The following RBMS3 variants were observed in gnomAD, a reference collection of about 807,000 sequenced individuals.
The protein encoded by RBMS3 is RNA-binding motif, single-stranded-interacting protein 3.
In RBMS3, 27 loss-of-function variants were observed where a neutral mutation model predicts 66.8. That is an observed-to-expected ratio of 0.40 (90% CI 0.30 to 0.56). The LOEUF is 0.56. Among genes scored for constraint, RBMS3 ranks in the 20% least tolerant of loss-of-function variants. The pLI is 0.40. For missense variants in RBMS3, 513 were observed against 549.5 expected (o/e 0.93, Z 0.66); for synonymous variants, 188 against 183.0 (o/e 1.03, Z -0.22).
chr3:29,683,746 G>A (rs2051599375), intron 4 of RBMS3, among the ~76,000 whole-genome samples: 1 of 152,166 alleles, frequency 6.6e-6, no homozygotes, highest in South Asian at 2.1e-4. Context: ...TCTGAACCCA[G>A]CTCAACTTTT....
intron 1 of RBMS3, among the ~76,000 whole-genome samples, chr3:29,394,985 C>T (rs2039480656): frequency 6.6e-6 from 1 of 152,198 alleles, no homozygotes; most frequent in Non-Finnish European, 1.5e-5. Context: ...GGCCACCCCA[C>T]TTAAATTTAC....
At chr3:29,837,941 T>C (rs2058566901) in intron 6 of RBMS3, among the ~76,000 whole-genome samples, 1 of 151,356 alleles carries the variant, frequency 6.6e-6, no homozygotes, top group Non-Finnish European at 1.5e-5. Flanking sequence ...CGAATTGTCA[T>C]TTTCTAAGCT....
intron 1 of RBMS3, among the ~76,000 whole-genome samples, chr3:29,388,362 G>A (rs560406998): frequency 5.9e-4 from 90 of 152,276 alleles, no homozygotes; most frequent in Admixed American, 4.6e-4. Context: ...GTGATATATA[G>A]ATGCACCATA....
chr3:29,677,495 T>C (rs934649177), intron 4 of RBMS3, among the ~76,000 whole-genome samples: 10 of 152,210 alleles, frequency 6.6e-5, no homozygotes, highest in African/African-American at 2.2e-4. Flanking sequence ...GAAATGGCTT[T>C]TTAAAATTTG....
intron 1 of RBMS3, among the ~76,000 whole-genome samples, chr3:29,376,146 C>T (rs1247235967): frequency 7.3e-6 from 1 of 136,140 alleles, no homozygotes; most frequent in East Asian, 2.2e-4. Context: ...ATGATGAGAA[C>T]ACATGAACAC....
At chr3:29,716,417 G>C (rs184720330) in intron 4 of RBMS3, among the ~76,000 whole-genome samples, 46 of 152,148 alleles carry the variant, frequency 3.0e-4, no homozygotes, top group Middle Eastern at 3.4e-3. Context: ...GCAAGTCATC[G>C]TTTCTATGTT....
intron 7 of RBMS3, among the ~76,000 whole-genome samples, 173 bp from the exon 8 acceptor site, chr3:29,883,989 G>C (rs969867938): frequency 6.6e-6 from 1 of 151,976 alleles, no homozygotes; most frequent in African/African-American, 2.4e-5. Context: ...GTATATTCTG[G>C]TTTGTGGATA....
intron 4 of RBMS3, among the ~76,000 whole-genome samples, chr3:29,649,126 A>G (rs2050051947): frequency 2.0e-5 from 3 of 152,174 alleles, no homozygotes; most frequent in Admixed American, 2.0e-4. Context: ...CATTTTTATA[A>G]GCACTACTTT....
chr3:29,968,320 C>T (rs1696988940), intron 12 of RBMS3, among the ~76,000 whole-genome samples: 1 of 152,296 alleles, frequency 6.6e-6, no homozygotes, highest in South Asian at 2.1e-4. Context: ...CTGTGAAGTC[C>T]GCTAGCCAGA....
intron 1 of RBMS3, among the ~76,000 whole-genome samples, chr3:29,353,691 C>G (rs569486271): frequency 6.6e-6 from 1 of 151,982 alleles, no homozygotes; most frequent in South Asian, 2.1e-4. Context: ...ACAACTTAAG[C>G]AACCAAAAAC....
At chr3:29,703,409 A>G (rs1417171499) in intron 4 of RBMS3, among the ~76,000 whole-genome samples, 1 of 152,214 alleles carries the variant, frequency 6.6e-6, no homozygotes, top group Non-Finnish European at 1.5e-5. Flanking sequence ...AAACAATTTG[A>G]AGAGATCGGT....
chr3:29,430,166 T>C lies in RBMS3; in HGVS notation c.76-4577T>C, dbSNP rs910951031. 2.6e-5 allele frequency among the ~76,000 whole-genome samples: 4 copies of C among 152,204 alleles called. No individual in the cohort carries two copies. In the East Asian group the frequency reaches 5.8e-4, roughly 22 times the overall value. ...ATTTATAATTCTTAAAACCAAAGAA[T>C]GATTTATAATGCTGACCGCTACCTG... On this transcript the variant is annotated intron_variant, in intron 1 of 14. Coordinates refer to ENST00000383767, the MANE Select transcript of RBMS3 (RefSeq NM_001003793.3).
intron 6 of RBMS3, among the ~76,000 whole-genome samples, chr3:29,804,155 T>G (rs1013071117): frequency 2.0e-5 from 3 of 152,052 alleles, no homozygotes; most frequent in African/African-American, 7.2e-5. Context: ...CTCAAAAAAA[T>G]GTAAGACTGA....
intron 1 of RBMS3, among the ~76,000 whole-genome samples, chr3:29,336,889 C>G (rs901793472): frequency 1.3e-5 from 2 of 152,114 alleles, no homozygotes; most frequent in East Asian, 3.9e-4. Context: ...TAAACAATTA[C>G]AAATAAAATT....
At chr3:29,933,478 G>A (rs1181505702) in intron 10 of RBMS3, among the ~76,000 whole-genome samples, 1 of 151,928 alleles carries the variant, frequency 6.6e-6, no homozygotes, top group East Asian at 1.9e-4. Flanking sequence ...TCTCCCAGGA[G>A]TTCCTATTAG....
chr3:29,917,347 G>A (rs749110369), intron 10 of RBMS3, among the ~76,000 whole-genome samples: 1 of 151,974 alleles, frequency 6.6e-6, no homozygotes, highest in Non-Finnish European at 1.5e-5. Context: ...CCTTCAAGAC[G>A]CTTAGATGTT....
intron 4 of RBMS3, among the ~76,000 whole-genome samples, chr3:29,709,547 G>A (rs971770110): frequency 2.0e-5 from 3 of 152,068 alleles, no homozygotes; most frequent in Admixed American, 2.0e-4. Context: ...TTTGTCTTTT[G>A]AAAAACTTCT....
At chr3:29,829,010 C>CTT (rs148479389) in intron 6 of RBMS3, among the ~76,000 whole-genome samples, 1 of 45,174 alleles carries the variant, frequency 2.2e-5, no homozygotes, top group Admixed American at 1.8e-4. Context: ...TTCTTTCTTT[C>CTT]TTTCTTTCTT....
At chr3:29,345,655 T>A (rs13070489) in intron 1 of RBMS3, among the ~76,000 whole-genome samples, 35,700 of 152,104 alleles carry the variant, frequency 0.23, 4,413 homozygotes, top group African/African-American at 0.3. Flanking sequence ...CACCATGCTC[T>A]AATGAAACTT....
Sources: gnomAD v4.1 joint callset for allele counts (sites outside exome capture counted in the v4.1 genomes callset) on GRCh38, gnomAD v4.1.1 for gene constraint, MANE v1.5 for transcripts, NCBI Gene and HGNC (gene_info 2026-07-23, HGNC 2026-07-21) for gene names.